Variants in ITFG1 observed in about 807,000 individuals in gnomAD.
ITFG1 encodes T-cell immunomodulatory protein.
ITFG1 carries 34 observed loss-of-function variants against 81.8 expected under a neutral mutation model. The observed-to-expected ratio is 0.42, with a 90% CI of 0.32 to 0.55. ITFG1 has a LOEUF of 0.55. Among genes scored for constraint, ITFG1 ranks in the 20% least tolerant of loss-of-function variants. ITFG1 has a pLI of 0.17. For synonymous variants in ITFG1, 285 were observed against 270.6 expected (o/e 1.05, Z -0.52); for missense variants, 672 against 755.4 (o/e 0.89, Z 1.29).
rs141183091 is a variant in ITFG1, at chr16:47,454,181, A to C, written c.282-23T>G. 8.0e-5 allele frequency: 126 copies of C among 1,567,730 alleles called. No individual in the cohort carries two copies. The African/African-American group carries it at 1.4e-3, about 18-fold the overall frequency. ...TTCCTAAAAGAAACAAGCATTTACA[A>C]ATATCAGACAAGTTGTAATGGAAAA... On this transcript the variant is annotated intron_variant, in intron 2 of 17. Transcript: ENST00000320640.
At chr16:47,307,593 G>C (rs1967190680) in intron 10 of ITFG1, among the ~76,000 whole-genome samples, 1 of 152,154 alleles carries the variant, frequency 6.6e-6, no homozygotes, top group South Asian at 2.1e-4. Flanking sequence ...TAATGACACA[G>C]AATGAGTTTA....
intron 8 of ITFG1, among the ~76,000 whole-genome samples, chr16:47,352,109 G>GA (rs1182748976): frequency 2.0e-5 from 3 of 152,100 alleles, no homozygotes; most frequent in African/African-American, 4.8e-5. Context: ...AAAAACCCTA[G>GA]AAAAAACCTA....
intron 8 of ITFG1, among the ~76,000 whole-genome samples, chr16:47,334,738 T>A (rs148236630): frequency 6.6e-6 from 1 of 152,304 alleles, no homozygotes; most frequent in East Asian, 1.9e-4. Context: ...TCAGTCAACA[T>A]TAGTCTAATT....
chr16:47,179,248 A>G (rs1480482091), intron 14 of ITFG1, among the ~76,000 whole-genome samples: 1 of 152,216 alleles, frequency 6.6e-6, no homozygotes. Context: ...AAGAATTATA[A>G]ATCATGCTGC....
At chr16:47,360,572 T>C (rs914355748) in intron 8 of ITFG1, among the ~76,000 whole-genome samples, 1 of 152,188 alleles carries the variant, frequency 6.6e-6, no homozygotes, top group Non-Finnish European at 1.5e-5. Flanking sequence ...GCTTTCTAGC[T>C]TCTTTTATAA....
chr16:47,444,227 C>T (rs752204877), intron 5 of ITFG1, among the ~76,000 whole-genome samples: 1 of 152,042 alleles, frequency 6.6e-6, no homozygotes, highest in Non-Finnish European at 1.5e-5. Context: ...ACTGATTTAT[C>T]TACTTTTATA....
At chr16:47,279,003 A>G (rs1215583777) in intron 10 of ITFG1, among the ~76,000 whole-genome samples, 1 of 151,910 alleles carries the variant, frequency 6.6e-6, no homozygotes, top group East Asian at 1.9e-4. Context: ...TTTATTTTTG[A>G]GTTTAGAGTT....
chr16:47,330,626 A>G (rs957728947), intron 8 of ITFG1, among the ~76,000 whole-genome samples: 13 of 152,292 alleles, frequency 8.5e-5, no homozygotes, highest in Non-Finnish European at 1.9e-4. Flanking sequence ...AAGCAAATCA[A>G]CAAAAACAAA....
chr16:47,219,099 T>C (rs983134546), intron 13 of ITFG1, among the ~76,000 whole-genome samples, 153 bp from the exon 14 acceptor site: 5 of 152,156 alleles, frequency 3.3e-5, no homozygotes, highest in African/African-American at 9.7e-5. Flanking sequence ...AAACCTGTTG[T>C]TTCCTAGGAT....
chr16:47,200,302 A>G (rs1965409802), intron 14 of ITFG1, among the ~76,000 whole-genome samples: 1 of 152,246 alleles, frequency 6.6e-6, no homozygotes, highest in Non-Finnish European at 1.5e-5. Flanking sequence ...TACCACACAA[A>G]AAGTTAAAAT....
intron 6 of ITFG1, among the ~76,000 whole-genome samples, chr16:47,407,046 G>A (rs1968738068): frequency 6.6e-6 from 1 of 152,184 alleles, no homozygotes; most frequent in African/African-American, 2.4e-5. Flanking sequence ...GGTGGGCCGA[G>A]TAAGTGTGGC....
chr16:47,379,233 A>G (rs1397299406), intron 6 of ITFG1, among the ~76,000 whole-genome samples: 1 of 152,104 alleles, frequency 6.6e-6, no homozygotes, highest in Admixed American at 6.5e-5. Flanking sequence ...TTTTACTGAC[A>G]CTGAATTGCA....
At position 47,161,730 on chromosome 16, in the gene ITFG1, G is replaced by A. The variant is rs552136055; in HGVS notation, c.1661+20C>T. 1.3e-6 allele frequency: 2 copies of A among 1,497,186 alleles called. No individual in the cohort carries two copies. The highest frequency in any genetic ancestry group is 1.9e-6 in the Non-Finnish European group (2 of 1,074,024). The allele number at this position is 1,497,186 out of a possible 1,614,324, so 92.7% of individuals were successfully genotyped here. On this transcript the variant is annotated intron_variant, in intron 16 of 17. Transcript: ENST00000320640. ...GAGTTAGCAGTGTCTTTACCAAATCGGTTCAAGCAAGTACATTACCTTCGA... is the reference window on the plus strand; with the variant it reads ...GAGTTAGCAGTGTCTTTACCAAATCAGTTCAAGCAAGTACATTACCTTCGA...
At chr16:47,176,883 C>CT in intron 14 of ITFG1, among the ~76,000 whole-genome samples, 2 of 152,092 alleles carry the variant, frequency 1.3e-5, no homozygotes, top group Admixed American at 1.3e-4. Flanking sequence ...AAAAAATACA[C>CT]TATCACTTGC....
At chr16:47,338,273 C>T (rs543765306) in intron 8 of ITFG1, among the ~76,000 whole-genome samples, 6 of 151,980 alleles carry the variant, frequency 3.9e-5, no homozygotes, top group South Asian at 2.1e-4. Flanking sequence ...TGGCCAGGAG[C>T]GGTGGCAGGC....
At chr16:47,328,268 C>T (rs1967587070) in intron 8 of ITFG1, among the ~76,000 whole-genome samples, 2 of 151,964 alleles carry the variant, frequency 1.3e-5, no homozygotes, top group Non-Finnish European at 2.9e-5. Flanking sequence ...GGGAACTGAA[C>T]AATGAGAACA....
At chr16:47,443,804 G>T (rs542354655) in intron 5 of ITFG1, among the ~76,000 whole-genome samples, 1 of 152,070 alleles carries the variant, frequency 6.6e-6, no homozygotes, top group South Asian at 2.1e-4. Context: ...TCTAAATGAC[G>T]AGTTAATGGG....
At chr16:47,212,174 C>CT (rs928246857) in intron 14 of ITFG1, among the ~76,000 whole-genome samples, 10 of 150,966 alleles carry the variant, frequency 6.6e-5, no homozygotes, top group African/African-American at 1.5e-4. Context: ...GAAAATTTTC[C>CT]TTTTTTTTTC....
intron 6 of ITFG1, among the ~76,000 whole-genome samples, chr16:47,389,914 T>C (rs1477433247): frequency 6.6e-6 from 1 of 152,238 alleles, no homozygotes; most frequent in Non-Finnish European, 1.5e-5. Context: ...AAGGCAGATG[T>C]AAACTCAACT....
Sources: gnomAD v4.1 joint callset for allele counts (sites outside exome capture counted in the v4.1 genomes callset) on GRCh38, gnomAD v4.1.1 for gene constraint, MANE v1.5 for transcripts, NCBI Gene and HGNC (gene_info 2026-07-23, HGNC 2026-07-21) for gene names.